Variants in CLEC9A observed in about 807,000 individuals in gnomAD.
CLEC9A encodes the protein C-type lectin domain family 9 member A.
CLEC9A carries 24 observed loss-of-function variants against 30.0 expected under a neutral mutation model. That is an observed-to-expected ratio of 0.80 (90% CI 0.58 to 1.13). The LOEUF is 1.13. Among genes scored for constraint, CLEC9A ranks in the 50% most tolerant of loss-of-function variants. CLEC9A has a pLI of 0.00. For missense variants in CLEC9A, 251 were observed against 280.9 expected, an observed-to-expected ratio of 0.89 and a Z score of 0.76; for synonymous variants, 111 against 96.8, an observed-to-expected ratio of 1.15 and a Z score of -0.86.
rs1866040934 is a variant in CLEC9A at position 10,065,788 on chromosome 12, T to G, written c.*156T>G. 1.1e-5 allele frequency: 7 copies of G among 662,052 alleles called. No individual in the cohort carries two copies. Among genetic ancestry groups the G allele is most frequent in the Non-Finnish European group, 1.5e-5 (6 of 398,174 alleles). 41.0% of individuals were successfully genotyped at this position (662,052 alleles called of 1,614,324 possible). A position where few individuals can be genotyped will look rare whatever the true frequency, so the allele number is the denominator to read the frequency against. ...CTCAATAATACACTTGGGAATATTC[T>G]TCCACACCGTCCAGATTTCATTTGA... is the stretch of plus-strand genomic sequence containing the variant. On this transcript the variant is annotated 3_prime_UTR_variant, in exon 9 of 9. Coordinates refer to ENST00000355819, the MANE Select transcript of CLEC9A (RefSeq NM_207345.4).
intron 8 of CLEC9A, 61 bp from the exon 9 acceptor site, chr12:10,065,439 C>G (rs1481320263): frequency 6.3e-7 from 1 of 1,597,340 alleles, no homozygotes; most frequent in Non-Finnish European, 8.5e-7. Context: ...CATTAGTTAC[C>G]CTCAGGAGCA....
chr12:10,051,400 G>A (rs948488421), intron 2 of CLEC9A, among the ~76,000 whole-genome samples: 3 of 152,092 alleles, frequency 2.0e-5, no homozygotes, highest in African/African-American at 7.2e-5. Context: ...GGTGATCAGG[G>A]CTCTTGTCAG....
At chr12:10,061,022 G>T in intron 5 of CLEC9A, 105 bp from the exon 6 acceptor site, 4 of 1,304,430 alleles carry the variant, frequency 3.1e-6, no homozygotes, top group Non-Finnish European at 4.1e-6. Context: ...ACAAATTCAA[G>T]TCTCAAAAAT....
At chr12:10,041,799 C>T (rs937965544) in intron 2 of CLEC9A, among the ~76,000 whole-genome samples, 179 bp downstream of exon 2, 4 of 152,194 alleles carry the variant, frequency 2.6e-5, no homozygotes, top group African/African-American at 9.6e-5. Flanking sequence ...TCATAATATT[C>T]TACAACATTG....
Position 10,061,265 on chromosome 12 carries a change from T to C in CLEC9A, c.311T>C (p.Leu104Ser), listed in dbSNP as rs748546263. Residue 104 changes from leucine (L) to serine (S), a missense_variant, in exon 6 of 9, where the codon TTA becomes TCA. Physicochemically the swap from Leu to Ser is moderately radical, Grantham distance 145 (BLOSUM62 -2). Coordinates refer to ENST00000355819, the MANE Select transcript of CLEC9A (RefSeq NM_207345.4). ...KYCQAFMQNS[L>S]SSAHNSSPCP... ...TGCCAAGCCTTCATGCAAAACTCAT[T>C]AAGTTCAGGTAATGGATAAAAATCA... is the stretch of plus-strand genomic sequence containing the variant. The C allele has an allele frequency of 1.9e-6, 3 of 1,607,132 alleles. 1 individual carries two copies. In the South Asian group the frequency reaches 3.3e-5, roughly 18 times the overall value.
chr12:10,049,126 G>C (rs1325478201), intron 2 of CLEC9A, among the ~76,000 whole-genome samples: 2 of 151,580 alleles, frequency 1.3e-5, no homozygotes, highest in African/African-American at 4.9e-5. Flanking sequence ...GATTGTCAAT[G>C]AGCAGTAATA....
intron 1 of CLEC9A, among the ~76,000 whole-genome samples, chr12:10,036,463 A>G (rs1462222862): frequency 6.6e-6 from 1 of 152,252 alleles, no homozygotes; most frequent in African/African-American, 2.4e-5. Context: ...CTGAGGCTTT[A>G]GCTTAAAGGT....
At chr12:10,048,036 A>G (rs1234841941) in intron 2 of CLEC9A, among the ~76,000 whole-genome samples, 10 of 151,744 alleles carry the variant, frequency 6.6e-5, no homozygotes, top group Non-Finnish European at 1.5e-4. Flanking sequence ...GATCGAGACC[A>G]TCCTGGCTAA....
chr12:10,045,969 A>T (rs1865842440), intron 2 of CLEC9A, among the ~76,000 whole-genome samples: 1 of 152,248 alleles, frequency 6.6e-6, no homozygotes, highest in African/African-American at 2.4e-5. Context: ...GTGCTTAATT[A>T]AGTTGGGCAA....
In CLEC9A at chr12:10,031,342, C is replaced by G. The variant is rs1398317743; in HGVS notation, c.-318+370C>G. Among the ~76,000 whole-genome samples the G allele has an allele frequency of 2.0e-5, 3 of 152,320 alleles. No homozygotes were observed. In the East Asian group the frequency reaches 5.8e-4, roughly 29 times the overall value. On this transcript the variant is annotated intron_variant, in intron 1 of 8. Coordinates refer to ENST00000355819, the MANE Select transcript of CLEC9A (RefSeq NM_207345.4). The stretch of plus-strand genomic sequence containing the variant: ...CTTACTCTTGCTCCTACTGATCCCT[C>G]AGTCTAAAATGCCCTCTGCACTTTC...
At chr12:10,042,418 A>T (rs1865805208) in intron 2 of CLEC9A, among the ~76,000 whole-genome samples, 1 of 152,198 alleles carries the variant, frequency 6.6e-6, no homozygotes, top group Admixed American at 6.5e-5. Flanking sequence ...CTCACTTGTT[A>T]TTTTGGGAGG....
intron 2 of CLEC9A, among the ~76,000 whole-genome samples, chr12:10,044,489 G>T (rs571919391): frequency 8.6e-4 from 131 of 151,964 alleles, no homozygotes; most frequent in Middle Eastern, 3.4e-3. Context: ...AATTAGTGGG[G>T]TTTTTTTTAT....
chr12:10,038,109 T>C (rs538452125), intron 1 of CLEC9A, among the ~76,000 whole-genome samples: 2 of 152,330 alleles, frequency 1.3e-5, no homozygotes, highest in South Asian at 2.1e-4. Flanking sequence ...TTAACTGAGA[T>C]AAAAAACTCA....
At chr12:10,038,405 G>T (rs1489185935) in intron 1 of CLEC9A, among the ~76,000 whole-genome samples, 1 of 151,968 alleles carries the variant, frequency 6.6e-6, no homozygotes, top group Non-Finnish European at 1.5e-5. Context: ...GAGATAGCAG[G>T]GAGAAAAAAA....
chr12:10,052,602 C>G (rs761860260), intron 3 of CLEC9A, 28 bp from the exon 4 acceptor site: 3 of 1,551,660 alleles, frequency 1.9e-6, no homozygotes, highest in Non-Finnish European at 2.6e-6. Flanking sequence ...AATTTCAGTT[C>G]TTACACCAAC....
At chr12:10,056,264 A>G (rs562422433) in intron 5 of CLEC9A, among the ~76,000 whole-genome samples, 29 of 152,196 alleles carry the variant, frequency 1.9e-4, no homozygotes, top group Admixed American at 3.9e-4. Flanking sequence ...AATTGTACCT[A>G]TAGATAAACC....
At chr12:10,063,232 T>C (rs1030465781) in intron 7 of CLEC9A, 26 bp downstream of exon 7, 2 of 1,528,580 alleles carry the variant, frequency 1.3e-6, no homozygotes, top group Non-Finnish European at 1.7e-6. Context: ...TGGTCTCATG[T>C]TATTCTGAAA....
At chr12:10,037,634 T>A (rs1865754869) in intron 1 of CLEC9A, among the ~76,000 whole-genome samples, 1 of 152,158 alleles carries the variant, frequency 6.6e-6, no homozygotes, top group Non-Finnish European at 1.5e-5. Context: ...GAAAAACCCA[T>A]GCAAACACGG....
At chr12:10,062,105 C>T (rs1365479681) in intron 6 of CLEC9A, among the ~76,000 whole-genome samples, 2 of 152,168 alleles carry the variant, frequency 1.3e-5, no homozygotes, top group Non-Finnish European at 2.9e-5. Flanking sequence ...ATTTTGGAGA[C>T]GTACAAGTCC....
Sources: gnomAD v4.1 joint callset for allele counts (sites outside exome capture counted in the v4.1 genomes callset) on GRCh38, gnomAD v4.1.1 for gene constraint, MANE v1.5 for transcripts, NCBI Gene and HGNC (gene_info 2026-07-23, HGNC 2026-07-21) for gene names.